SMYD3: variants seen among roughly 807,000 people sequenced by gnomAD.
SMYD3 encodes the protein histone-lysine N-methyltransferase SMYD3.
SMYD3 carries 36 observed loss-of-function variants against 57.7 expected under a neutral mutation model. That is an observed-to-expected ratio of 0.62 (90% CI 0.48 to 0.82). The LOEUF (loss-of-function observed/expected upper bound fraction) is 0.82, where lower values mean the gene tolerates loss of function less well. Among genes scored for constraint, SMYD3 ranks in the 40% least tolerant of loss-of-function variants. The pLI, the probability that SMYD3 is intolerant of heterozygous loss-of-function variation, is 0.00. For synonymous variants in SMYD3, 211 were observed against 195.0 expected (o/e 1.08, Z -0.68); for missense variants, 515 against 538.8 (o/e 0.96, Z 0.44).
chr1:246,386,357 T>A (rs971832484), intron 1 of SMYD3, among the ~76,000 whole-genome samples: 1 of 152,036 alleles, frequency 6.6e-6, no homozygotes, highest in South Asian at 2.1e-4. Context: ...TTCTACTGGG[T>A]GATATGGGAG....
Position 245,930,324 on chromosome 1 carries a change from C to A in SMYD3, c.532-387G>T. On this transcript the variant is annotated intron_variant, in intron 5 of 11. Coordinates refer to ENST00000490107, the MANE Select transcript of SMYD3 (RefSeq NM_001167740.2). The stretch of plus-strand genomic sequence containing the variant: ...CCTGCTGTATCACGATTTTTTCAAA[C>A]TGCATGCAGTTTCCAAATGCCACTG... 2 of 360,404 alleles carry A rather than the reference C, an allele frequency of 5.5e-6. 1 individual carries two copies. Among genetic ancestry groups the A allele is most frequent in the South Asian group, 4.3e-5 (2 of 46,036 alleles). The allele number at this position is 360,404 out of a possible 1,614,324, so 22.3% of individuals were successfully genotyped here. A position where few individuals can be genotyped will look rare whatever the true frequency, so the allele number is the denominator to read the frequency against.
intron 5 of SMYD3, among the ~76,000 whole-genome samples, chr1:246,175,594 C>T (rs995904974): frequency 1.3e-5 from 2 of 152,134 alleles, no homozygotes; most frequent in African/African-American, 4.8e-5. Flanking sequence ...TGTGAACTAT[C>T]GAGGAAGACA....
chr1:245,936,767 CACCT>C (rs5782376), intron 5 of SMYD3, among the ~76,000 whole-genome samples: 138,832 of 149,988 alleles, frequency 0.93, 63,846 homozygotes, highest in East Asian at 0.97. Context: ...TGATGCCATG[CACCT>C]ACCTGTAGGT....
intron 1 of SMYD3, among the ~76,000 whole-genome samples, chr1:246,453,822 A>G (rs2067665246): frequency 6.6e-6 from 1 of 152,206 alleles, no homozygotes; most frequent in Non-Finnish European, 1.5e-5. Context: ...TTACCAGCCC[A>G]AGAGCACGGT....
intron 10 of SMYD3, among the ~76,000 whole-genome samples, chr1:245,775,715 T>TA (rs749327071): frequency 8.7e-4 from 96 of 109,956 alleles, no homozygotes; most frequent in Middle Eastern, 4.2e-3. Flanking sequence ...CAATAAATAC[T>TA]AAAAAAAAAA....
intron 5 of SMYD3, among the ~76,000 whole-genome samples, chr1:245,943,278 A>C (rs2057320246): frequency 6.6e-6 from 1 of 151,216 alleles, no homozygotes; most frequent in Admixed American, 6.6e-5. Flanking sequence ...GGAATCAAAC[A>C]GACACAATGA....
intron 8 of SMYD3, among the ~76,000 whole-genome samples, chr1:245,867,503 C>T (rs2051922330): frequency 6.6e-6 from 1 of 151,968 alleles, no homozygotes; most frequent in Admixed American, 6.6e-5. Context: ...AGTTAGATCA[C>T]TCATTTATTC....
chr1:246,080,054 T>C (rs532015999), intron 5 of SMYD3, among the ~76,000 whole-genome samples: 35 of 152,350 alleles, frequency 2.3e-4, no homozygotes, highest in African/African-American at 8.2e-4. Context: ...ATCAGGGCTC[T>C]ACACCAAAAC....
chr1:245,817,584 C>T (rs1225443725), intron 10 of SMYD3, among the ~76,000 whole-genome samples: 2 of 151,874 alleles, frequency 1.3e-5, no homozygotes, highest in South Asian at 2.1e-4. Context: ...AGGCTTCAGA[C>T]GATCAAATTA....
chr1:246,131,029 T>C (rs914491655), intron 5 of SMYD3, among the ~76,000 whole-genome samples: 3 of 152,160 alleles, frequency 2.0e-5, no homozygotes, highest in African/African-American at 7.2e-5. Flanking sequence ...GTCCTTTCCA[T>C]GGGCTCAGGA....
At chr1:246,506,981 C>CCCCCCCCCCCCCCCCCCCCCCCCCA in intron 1 of SMYD3, 73 bp downstream of exon 1, 1 of 805,616 alleles carries the variant, frequency 1.2e-6, no homozygotes, top group Non-Finnish European at 1.7e-6. Flanking sequence ...GGCTGCCGGC[C>CCCCCCCCCCCCCCCCCCCCCCCCCA]GCCCGACGCC....
At chr1:246,426,474 T>C (rs1229890834) in intron 1 of SMYD3, among the ~76,000 whole-genome samples, 2 of 152,244 alleles carry the variant, frequency 1.3e-5, no homozygotes, top group Admixed American at 6.5e-5. Context: ...TATATAGATT[T>C]GCCTGTTGTG....
intron 1 of SMYD3, among the ~76,000 whole-genome samples, chr1:246,409,702 ATTCTG>A (rs1558450576): frequency 1.3e-5 from 2 of 152,062 alleles, no homozygotes; most frequent in Non-Finnish European, 2.9e-5. Context: ...GTTTTTTCCA[ATTCTG>A]TGAAGAAAGT....
chr1:245,997,365 A>C (rs1053770100), intron 5 of SMYD3, among the ~76,000 whole-genome samples: 2 of 152,272 alleles, frequency 1.3e-5, no homozygotes, highest in African/African-American at 4.8e-5. Flanking sequence ...ACTGGAATTC[A>C]TTGAGCATCT....
At chr1:246,005,574 T>C (rs1391268046) in intron 5 of SMYD3, among the ~76,000 whole-genome samples, 1 of 152,194 alleles carries the variant, frequency 6.6e-6, no homozygotes, top group African/African-American at 2.4e-5. Flanking sequence ...CTATGCCTCC[T>C]CTCAGCTGGA....
chr1:246,496,076 C>G (rs1251311136), intron 1 of SMYD3, among the ~76,000 whole-genome samples: 6 of 151,712 alleles, frequency 4.0e-5, no homozygotes, highest in African/African-American at 1.5e-4. Flanking sequence ...CTCACTCTGT[C>G]GCCAGGCTGG....
rs149645736 is a variant in SMYD3, at chr1:246,452,726, T to C, written c.164+54328A>G. On this transcript the variant is annotated intron_variant, in intron 1 of 11. Transcript: ENST00000490107. ...TATGACCATCTAAGTAGATGCCAAATAGACATGATGAAATTTTTAAACCGT... is the reference window on the plus strand; with the variant it reads ...TATGACCATCTAAGTAGATGCCAAACAGACATGATGAAATTTTTAAACCGT... Among the ~76,000 whole-genome samples, 101 of 152,282 alleles carry C rather than the reference T, an allele frequency of 6.6e-4. 3 individuals are homozygous for C. The Middle Eastern group carries it at 0.01, about 15-fold the overall frequency.
chr1:246,014,128 G>A (rs1015916505), intron 5 of SMYD3, among the ~76,000 whole-genome samples: 2 of 152,188 alleles, frequency 1.3e-5, no homozygotes, highest in South Asian at 4.1e-4. Flanking sequence ...TTCGAGACCA[G>A]CCTGGCCAAC....
At chr1:246,275,146 C>T (rs1048874648) in intron 5 of SMYD3, among the ~76,000 whole-genome samples, 4 of 152,170 alleles carry the variant, frequency 2.6e-5, no homozygotes, top group African/African-American at 4.8e-5. Context: ...AAATACAATG[C>T]GCAAGAGCAG....
Sources: gnomAD v4.1 joint callset for allele counts (sites outside exome capture counted in the v4.1 genomes callset) on GRCh38, gnomAD v4.1.1 for gene constraint, MANE v1.5 for transcripts, NCBI Gene and HGNC (gene_info 2026-07-23, HGNC 2026-07-21) for gene names.